Variants in HTR1D observed in about 807,000 individuals in gnomAD.
HTR1D encodes the protein 5-HT-1D.
HTR1D carries 18 observed loss-of-function variants against 21.1 expected under a neutral mutation model. The observed-to-expected ratio is 0.85, with a 90% CI of 0.59 to 1.27. The LOEUF (loss-of-function observed/expected upper bound fraction) is 1.27, where lower values mean the gene tolerates loss of function less well. Among genes scored for constraint, HTR1D ranks in the 50% most tolerant of loss-of-function variants. The pLI, the probability that HTR1D is intolerant of heterozygous loss-of-function variation, is 0.00. For missense variants in HTR1D, 456 were observed against 481.4 expected (o/e 0.95, Z 0.49); for synonymous variants, 196 against 204.4 (o/e 0.96, Z 0.35).
Position 23,194,354 on chromosome 1 carries a change from A to T in HTR1D, c.-135T>A. The T allele has an allele frequency of 1.4e-6, 1 of 695,780 alleles. No individual in the cohort carries two copies. Among genetic ancestry groups the T allele is most frequent in the East Asian group, 2.5e-5 (1 of 39,472 alleles). The allele number at this position is 695,780 out of a possible 1,614,324, so 43.1% of individuals were successfully genotyped here. On this transcript the variant is annotated 5_prime_UTR_variant, in exon 2 of 2. Transcript: ENST00000374619. ...TACACCAGAACAGACCACAGTGAAA[A>T]GGTCTCAAGACCAGACTATTCTCTA...
intron 1 of HTR1D, among the ~76,000 whole-genome samples, chr1:23,202,073 T>TTTG (rs371581659): frequency 1.5e-4 from 23 of 151,980 alleles, no homozygotes; most frequent in East Asian, 1.4e-3. Flanking sequence ...TTCGTGGTTT[T>TTTG]TTGTTGTTGT....
chr1:23,198,717 T>C lies in HTR1D; in HGVS notation c.-782-3716A>G, dbSNP rs556159895. The stretch of plus-strand genomic sequence containing the variant: ...GCTACACATACCAAAATGGTGATTG[T>C]CACAAACAAGGCAGAGTGCCAAAGT... On this transcript the variant is annotated intron_variant, in intron 1 of 1. Transcript: ENST00000374619. Among the ~76,000 whole-genome samples the C allele has an allele frequency of 2.6e-5, 4 of 152,322 alleles. No homozygotes were observed. In the East Asian group the frequency reaches 5.8e-4, roughly 22 times the overall value.
At position 23,193,393 on chromosome 1, in the gene HTR1D, T is replaced by G. The variant is rs1204103440; in HGVS notation, c.827A>C (p.His276Pro). 1 of 1,613,860 alleles carries G rather than the reference T, an allele frequency of 6.2e-7. No homozygotes were observed. The highest frequency in any genetic ancestry group is 1.3e-5 in the African/African-American group (1 of 74,858). Reference sequence around the variant, plus strand: ...ACTGTCAGCAAGCTTGATTTTCACGTGGTTGAAAAAGAGAGGGGAGCCAGC... The same window carrying G: ...ACTGTCAGCAAGCTTGATTTTCACGGGGTTGAAAAAGAGAGGGGAGCCAGC... Reference protein sequence around the residue: ...HSAGSPLFFNHVKIKLADSAL... With the variant: ...HSAGSPLFFNPVKIKLADSAL... The change falls in exon 2 of 2, where the codon CAC becomes CCC. Residue 276 changes from histidine to proline, a missense_variant. Coordinates refer to ENST00000374619, the MANE Select transcript of HTR1D (RefSeq NM_000864.5).
Position 23,192,390 on chromosome 1 carries a change from A to G in HTR1D, c.*696T>C, listed in dbSNP as rs558512860. 1 of 152,676 alleles carries G rather than the reference A, an allele frequency of 6.5e-6. No individual in the cohort carries two copies. Among genetic ancestry groups the G allele is most frequent in the East Asian group, 1.9e-4 (1 of 5,176 alleles). The allele number at this position is 152,676 out of a possible 1,614,324, so 9.5% of individuals were successfully genotyped here. ...TCTTTCAATTCAGGTCATTAATCTT[A>G]TTCACCCTCCTTTAAGCTCCATATA... On this transcript the variant is annotated 3_prime_UTR_variant, in exon 2 of 2. Transcript: ENST00000374619.
chr1:23,203,275 C>T (rs964483844), intron 1 of HTR1D, among the ~76,000 whole-genome samples: 1 of 152,186 alleles, frequency 6.6e-6, no homozygotes, highest in African/African-American at 2.4e-5. Context: ...CTCTCTCTTT[C>T]TACCTGTATC....
In HTR1D at chr1:23,196,456, AAG is replaced by A. The variant is rs1468524331; in HGVS notation, c.-782-1457_-782-1456del. On this transcript the variant is annotated intron_variant, in intron 1 of 1. Transcript: ENST00000374619. Reference sequence around the variant, plus strand: ...TGAAACTCTGCCAAAAAAAAAAAAAAAGAAGGAGCAGCAGCTAAACCTGCAAT... The same window carrying A: ...TGAAACTCTGCCAAAAAAAAAAAAAAAAGGAGCAGCAGCTAAACCTGCAAT... Among the ~76,000 whole-genome samples, 5 of 150,938 alleles carry A rather than the reference AAG, an allele frequency of 3.3e-5. No homozygotes were observed. In the South Asian group the frequency reaches 8.4e-4, roughly 25 times the overall value.
rs1644667818 is a variant in HTR1D at position 23,193,310 on chromosome 1, C to T, written c.910G>A (p.Gly304Ser). 6.2e-7 allele frequency: 1 copy of T among 1,614,134 alleles called. No individual in the cohort carries two copies. The highest frequency in any genetic ancestry group is 8.5e-7 in the Non-Finnish European group (1 of 1,180,022). ...ATGATAAAGGCCCCCAGAATGATGC[C>T]CAGGATTTTAGTGGCTTTCCTTTCT... ...ARERKATKIL[G>S]IILGAFIICW... The change falls in exon 2 of 2, where the codon GGC becomes AGC. Residue 304 changes from glycine to serine, a missense_variant. Coordinates refer to ENST00000374619, the MANE Select transcript of HTR1D (RefSeq NM_000864.5).
At chr1:23,196,273 C>T (rs1381940311) in intron 1 of HTR1D, among the ~76,000 whole-genome samples, 15 of 151,912 alleles carry the variant, frequency 9.9e-5, no homozygotes, top group Admixed American at 2.6e-4. Context: ...GGAGATACCC[C>T]GTCTCTACTA....
At chr1:23,210,379 G>A (rs1418889411) in intron 1 of HTR1D, among the ~76,000 whole-genome samples, 2 of 152,180 alleles carry the variant, frequency 1.3e-5, no homozygotes, top group Non-Finnish European at 2.9e-5. Context: ...CGCCCAGCCA[G>A]GTCTGCAGTT....
At chr1:23,210,231 C>T (rs1231628216) in intron 1 of HTR1D, among the ~76,000 whole-genome samples, 1 of 152,142 alleles carries the variant, frequency 6.6e-6, no homozygotes, top group Non-Finnish European at 1.5e-5. Context: ...GTATGTGCCA[C>T]CATGCCCGGC....
rs754979847 is a variant in HTR1D at position 23,193,702 on chromosome 1, G to A, written c.518C>T (p.Pro173Leu). The A allele has an allele frequency of 1.2e-5, 20 of 1,613,884 alleles. No individual in the cohort carries two copies. Among genetic ancestry groups the A allele is most frequent in the South Asian group, 5.5e-5 (5 of 91,032 alleles). ...GGCCTTGGCCTGCCGCCAGAAGAGC[G>A]GGGGGATGGAGATGCAGATGGAGAT... is the stretch of plus-strand genomic sequence containing the variant. ...WAISICISIP[P>L]LFWRQAKAQE... The change falls in exon 2 of 2, where the codon CCG becomes CTG. Residue 173 changes from proline (P) to leucine (L), a missense_variant. By Grantham distance (98) the Pro-to-Leu change is moderately conservative. Coordinates refer to ENST00000374619, the MANE Select transcript of HTR1D (RefSeq NM_000864.5).
intron 1 of HTR1D, among the ~76,000 whole-genome samples, chr1:23,198,355 G>T (rs1325023007): frequency 7.3e-5 from 8 of 108,990 alleles, no homozygotes; most frequent in Non-Finnish European, 1.2e-4. Flanking sequence ...GATGGAGCGA[G>T]ACTCCGTCTC....
At chr1:23,205,374 C>G (rs1270850053) in intron 1 of HTR1D, among the ~76,000 whole-genome samples, 2 of 152,074 alleles carry the variant, frequency 1.3e-5, no homozygotes, top group African/African-American at 4.8e-5. Flanking sequence ...ACCACCTGTA[C>G]CCCAATAACC....
At chr1:23,207,506 T>A (rs990979788) in intron 1 of HTR1D, among the ~76,000 whole-genome samples, 14 of 152,174 alleles carry the variant, frequency 9.2e-5, no homozygotes, top group Admixed American at 7.9e-4. Context: ...ACTTCTCAAG[T>A]GCTTCTAAGG....
At chr1:23,212,930 G>A (rs1051449850) in intron 1 of HTR1D, among the ~76,000 whole-genome samples, 16 of 151,700 alleles carry the variant, frequency 1.1e-4, no homozygotes, top group African/African-American at 3.1e-4. Flanking sequence ...GGGTTCAAGC[G>A]ATTCTCCTGC....
chr1:23,216,870 G>A (rs1207216626), intron 1 of HTR1D, among the ~76,000 whole-genome samples: 2 of 152,108 alleles, frequency 1.3e-5, no homozygotes, highest in African/African-American at 4.8e-5. Flanking sequence ...TCTCTCCAGA[G>A]AGGGGAGGCC....
At position 23,193,265 on chromosome 1, in the gene HTR1D, C is replaced by G. The variant is rs567276499; in HGVS notation, c.955G>C (p.Val319Leu). The G allele has an allele frequency of 1.9e-6, 3 of 1,614,104 alleles. No individual in the cohort carries two copies. The highest frequency in any genetic ancestry group is 2.2e-5 in the South Asian group (2 of 91,078). Residue 319 changes from valine to leucine, a missense_variant, in exon 2 of 2, where the codon GTG (valine) becomes CTG (leucine). By Grantham distance (32) the Val-to-Leu change is conservative (BLOSUM62 1). Coordinates refer to ENST00000374619, the MANE Select transcript of HTR1D (RefSeq NM_000864.5). ...CAGATGGGGAGGACCAGAGACACCACGAAGAAGGGCAGCCAGCAGATGATA... is the reference window on the plus strand; with the variant it reads ...CAGATGGGGAGGACCAGAGACACCAGGAAGAAGGGCAGCCAGCAGATGATA... The part of the protein sequence containing the change: ...AFIICWLPFF[V>L]VSLVLPICRD...
chr1:23,194,799 G>C lies in HTR1D; in HGVS notation c.-580C>G, dbSNP rs1644678885. On this transcript the variant is annotated 5_prime_UTR_variant, in exon 2 of 2. Transcript: ENST00000374619. ...CCAGCCGATTCAGAGAAGCAGTCCAGTCAGCACAGCAGCTCGCGGTTTTCC... is the reference window on the plus strand; with the variant it reads ...CCAGCCGATTCAGAGAAGCAGTCCACTCAGCACAGCAGCTCGCGGTTTTCC... 2 of 156,956 alleles carry C rather than the reference G, an allele frequency of 1.3e-5. No individual in the cohort carries two copies. The highest frequency in any genetic ancestry group is 2.1e-4 in the South Asian group (1 of 4,830). The allele number at this position is 156,956 out of a possible 1,614,324, so 9.7% of individuals were successfully genotyped here. A position where few individuals can be genotyped will look rare whatever the true frequency, so the allele number is the denominator to read the frequency against.
chr1:23,199,546 T>C (rs1644702354), intron 1 of HTR1D, among the ~76,000 whole-genome samples: 1 of 147,464 alleles, frequency 6.8e-6, no homozygotes, highest in South Asian at 2.2e-4. Flanking sequence ...TCCTCCCAAC[T>C]TGGCCTCCCA....
Sources: gnomAD v4.1 joint callset for allele counts (sites outside exome capture counted in the v4.1 genomes callset) on GRCh38, gnomAD v4.1.1 for gene constraint, MANE v1.5 for transcripts, NCBI Gene and HGNC (gene_info 2026-07-23, HGNC 2026-07-21) for gene names.